Variants in GPHN observed in about 807,000 individuals in gnomAD.
GPHN encodes the protein gephyrin.
GPHN carries 17 observed loss-of-function variants against 95.5 expected under a neutral mutation model. That is an observed-to-expected ratio of 0.18 (90% confidence interval 0.12 to 0.27). GPHN has a LOEUF of 0.27. Ranked by LOEUF, GPHN falls within the 10% of genes least tolerant of loss-of-function variation. The pLI, the probability that GPHN is intolerant of heterozygous loss-of-function variation, is 1.00. For synonymous variants in GPHN, 320 were observed against 322.5 expected (o/e 0.99, Z 0.08); for missense variants, 660 against 978.1 (o/e 0.67, Z 4.34).
intron 1 of GPHN, among the ~76,000 whole-genome samples, chr14:66,582,583 GTCTATGTGT>G (rs1277264943): frequency 2.7e-5 from 4 of 150,394 alleles, no homozygotes; most frequent in African/African-American, 9.8e-5. Context: ...CCCTTCCTGT[GTCTATGTGT>G]TCTCATTGTT....
At chr14:67,416,498 C>T in the GPHN span, among the ~76,000 whole-genome samples, 1 of 152,162 alleles carries the variant, frequency 6.6e-6, no homozygotes, top group East Asian at 1.9e-4. Context: ...AGGCAAAAAG[C>T]CAGAGGAGAC....
At chr14:67,681,877 T>C in the GPHN span, among the ~76,000 whole-genome samples, 1 of 152,226 alleles carries the variant, frequency 6.6e-6, no homozygotes, top group African/African-American at 2.4e-5. Flanking sequence ...AGTTTGAATG[T>C]ATCCCTTAAA....
chr14:67,439,577 C>CTTTT, the GPHN span, among the ~76,000 whole-genome samples: 75 of 106,094 alleles, frequency 7.1e-4, no homozygotes, highest in African/African-American at 4.8e-3. Context: ...TTCTTTCTTT[C>CTTTT]TTTCTTTCTT....
chr14:67,541,172 G>A, the GPHN span, among the ~76,000 whole-genome samples: 61 of 152,218 alleles, frequency 4.0e-4, no homozygotes, highest in Middle Eastern at 6.8e-3. Flanking sequence ...GACATTCAAA[G>A]CATTATATTT....
At chr14:67,700,071 C>G in the GPHN span, among the ~76,000 whole-genome samples, 1 of 150,858 alleles carries the variant, frequency 6.6e-6, no homozygotes. Flanking sequence ...ACCTGGGAGG[C>G]GGAGGTTGCA....
At chr14:67,216,551 CTCTT>C in the GPHN span, among the ~76,000 whole-genome samples, 2 of 152,004 alleles carry the variant, frequency 1.3e-5, no homozygotes, top group South Asian at 2.1e-4. Flanking sequence ...ATAAACTTGA[CTCTT>C]AATACTGCTT....
At chr14:67,180,015 T>C (rs2140201252) in intron 22 of GPHN, among the ~76,000 whole-genome samples, 1 of 152,332 alleles carries the variant, frequency 6.6e-6, no homozygotes, top group Middle Eastern at 3.4e-3. Context: ...GAGGAGATTC[T>C]AGCTATACCA....
chr14:66,925,242 T>A (rs1472541913), intron 8 of GPHN, among the ~76,000 whole-genome samples: 1 of 152,186 alleles, frequency 6.6e-6, no homozygotes. Flanking sequence ...TGGGTATCCA[T>A]CACTTCAAGC....
At chr14:67,641,982 C>A in the GPHN span, among the ~76,000 whole-genome samples, 1 of 152,102 alleles carries the variant, frequency 6.6e-6, no homozygotes, top group Non-Finnish European at 1.5e-5. Context: ...CAATCGATAT[C>A]TCTTAGTTTC....
At chr14:66,887,878 T>C (rs2064281011) in intron 5 of GPHN, among the ~76,000 whole-genome samples, 1 of 152,178 alleles carries the variant, frequency 6.6e-6, no homozygotes, top group Non-Finnish European at 1.5e-5. Context: ...CAAGAACAGA[T>C]GGATAATGTA....
chr14:67,318,250 AATAAAG>A, the GPHN span, among the ~76,000 whole-genome samples: 10 of 152,252 alleles, frequency 6.6e-5, no homozygotes, highest in African/African-American at 2.2e-4. Context: ...ACATTAAACT[AATAAAG>A]ATAAAACATT....
intron 1 of GPHN, among the ~76,000 whole-genome samples, chr14:66,647,625 T>C (rs2153361214): frequency 6.6e-6 from 1 of 151,762 alleles, no homozygotes; most frequent in Non-Finnish European, 1.5e-5. Flanking sequence ...CAGTATGAGA[T>C]TAACAATAAC....
At chr14:67,642,235 AGAT>A in the GPHN span, 3 of 1,614,162 alleles carry the variant, frequency 1.9e-6, no homozygotes, top group Non-Finnish European at 2.5e-6. Context: ...CAGTCCCCAA[AGAT>A]GATCTCTACA....
Position 66,772,133 on chromosome 14 carries a change from A to G in GPHN, c.144-4331A>G, listed in dbSNP as rs1483641081. On this transcript the variant is annotated intron_variant, in intron 2 of 22. Coordinates refer to ENST00000478722, the MANE Select transcript of GPHN (RefSeq NM_020806.5). The stretch of plus-strand genomic sequence containing the variant: ...TTTAGGAAAAAAAAAAAAAAGACAG[A>G]TAACCCTGTGTTGACCCTTGACTCC... 4.0e-5 allele frequency among the ~76,000 whole-genome samples: 6 copies of G among 151,718 alleles called. No individual in the cohort carries two copies. In the South Asian group the frequency reaches 1.0e-3, roughly 26 times the overall value.
chr14:66,530,209 C>A (rs574653348), intron 1 of GPHN, among the ~76,000 whole-genome samples: 1 of 152,072 alleles, frequency 6.6e-6, no homozygotes, highest in Admixed American at 6.6e-5. Context: ...CAGAGGGTTC[C>A]GACGGGTTGG....
intron 11 of GPHN, among the ~76,000 whole-genome samples, chr14:67,084,800 G>A (rs2076822353): frequency 6.6e-6 from 1 of 152,032 alleles, no homozygotes; most frequent in South Asian, 2.1e-4. Flanking sequence ...ACTAGGAGGA[G>A]AAAAAGGAAA....
intron 4 of GPHN, among the ~76,000 whole-genome samples, chr14:66,834,850 C>G (rs1448296619): frequency 1.9e-4 from 26 of 140,324 alleles, no homozygotes; most frequent in Non-Finnish European, 3.1e-4. Context: ...CTCCTTGTAC[C>G]TCTGGTAGAA....
At chr14:66,856,438 A>C (rs1567025300) in intron 4 of GPHN, among the ~76,000 whole-genome samples, 1 of 152,152 alleles carries the variant, frequency 6.6e-6, no homozygotes, top group Non-Finnish European at 1.5e-5. Flanking sequence ...CATATCTGTC[A>C]GTTGATAAAG....
At chr14:66,782,776 T>G (rs1213567246) in intron 3 of GPHN, among the ~76,000 whole-genome samples, 1 of 151,990 alleles carries the variant, frequency 6.6e-6, no homozygotes, top group Non-Finnish European at 1.5e-5. Flanking sequence ...GAGGATGCAG[T>G]GAGCTGAGAT....
Sources: gnomAD v4.1 joint callset for allele counts (sites outside exome capture counted in the v4.1 genomes callset) on GRCh38, gnomAD v4.1.1 for gene constraint, MANE v1.5 for transcripts, NCBI Gene and HGNC (gene_info 2026-07-23, HGNC 2026-07-21) for gene names.